DOCK4: variants seen among roughly 807,000 people sequenced by gnomAD.
DOCK4 encodes the protein dedicator of cytokinesis 4.
A neutral mutation model predicts 268.1 loss-of-function variants in DOCK4; 97 were observed. That is an observed-to-expected ratio of 0.36 (90% CI 0.31 to 0.43). The LOEUF (loss-of-function observed/expected upper bound fraction) is 0.43. Ranked by LOEUF, DOCK4 falls within the 20% of genes least tolerant of loss-of-function variation. The pLI is 1.00. For missense variants in DOCK4, 2,145 were observed against 2,455.7 expected, an observed-to-expected ratio of 0.87 and a Z score of 2.67; for synonymous variants, 954 against 887.2, an observed-to-expected ratio of 1.08 and a Z score of -1.34.
chr7:112,105,691 T>C (rs1452863189), intron 1 of DOCK4, among the ~76,000 whole-genome samples: 2 of 150,686 alleles, frequency 1.3e-5, no homozygotes, highest in Non-Finnish European at 3.0e-5. Flanking sequence ...CTTCCTTTTT[T>C]TTTTTTTTTT....
At chr7:111,851,445 A>C (rs1804544892) in intron 23 of DOCK4, among the ~76,000 whole-genome samples, 1 of 67,082 alleles carries the variant, frequency 1.5e-5, no homozygotes, top group African/African-American at 2.1e-4. Flanking sequence ...ACTCCATCTC[A>C]AAAAAAAAAA....
At chr7:112,064,368 A>G (rs1806728038) in intron 1 of DOCK4, among the ~76,000 whole-genome samples, 1 of 152,338 alleles carries the variant, frequency 6.6e-6, no homozygotes, top group South Asian at 2.1e-4. Flanking sequence ...GTCTGCATCA[A>G]AGGACCTTGG....
chr7:111,760,131 C>T (rs748929432), intron 40 of DOCK4, 50 bp downstream of exon 40: 1 of 1,598,434 alleles, frequency 6.3e-7, no homozygotes. Context: ...TGCTCTGCAG[C>T]TAAGAGCCAG....
At chr7:112,190,367 G>A (rs1299971916) in intron 1 of DOCK4, among the ~76,000 whole-genome samples, 1 of 152,132 alleles carries the variant, frequency 6.6e-6, no homozygotes, top group Non-Finnish European at 1.5e-5. Context: ...CAGGAACAGA[G>A]GTAGAGCAGT....
chr7:111,998,403 G>A (rs754242602), intron 4 of DOCK4, 45 bp downstream of exon 4: 43 of 1,430,250 alleles, frequency 3.0e-5, no homozygotes, highest in Non-Finnish European at 3.7e-5. Context: ...AAGAAGCAAA[G>A]GCTCTGTGAA....
At chr7:112,188,566 T>G (rs1474209667) in intron 1 of DOCK4, among the ~76,000 whole-genome samples, 1 of 152,226 alleles carries the variant, frequency 6.6e-6, no homozygotes, top group Non-Finnish European at 1.5e-5. Flanking sequence ...TGGTGCAAAC[T>G]GTGCTGCATG....
intron 8 of DOCK4, among the ~76,000 whole-genome samples, chr7:111,956,759 T>C (rs1436125027): frequency 1.3e-5 from 2 of 152,170 alleles, no homozygotes; most frequent in Non-Finnish European, 2.9e-5. Flanking sequence ...CCTTTAAATA[T>C]GAAGTCTCAA....
intron 1 of DOCK4, among the ~76,000 whole-genome samples, chr7:112,200,502 G>A (rs1587044309): frequency 6.6e-6 from 1 of 151,932 alleles, no homozygotes; most frequent in South Asian, 2.1e-4. Context: ...ACTGTGTTAC[G>A]GTTACAGCCT....
At chr7:111,756,994 G>A (rs1215039892) in intron 41 of DOCK4, among the ~76,000 whole-genome samples, 2 of 152,228 alleles carry the variant, frequency 1.3e-5, no homozygotes, top group African/African-American at 2.4e-5. Flanking sequence ...GGGGTGACGC[G>A]TGAGCTGCAT....
At chr7:111,836,954 G>GA (rs931331077) in intron 25 of DOCK4, among the ~76,000 whole-genome samples, 1 of 152,038 alleles carries the variant, frequency 6.6e-6, no homozygotes, top group Non-Finnish European at 1.5e-5. Context: ...GGAAGAGACA[G>GA]AAAAAATAAT....
intron 1 of DOCK4, among the ~76,000 whole-genome samples, chr7:112,148,284 G>A (rs891174760): frequency 2.0e-5 from 3 of 152,162 alleles, no homozygotes; most frequent in African/African-American, 7.2e-5. Context: ...TCTCCAGAGT[G>A]CTGGCAGAGG....
chr7:111,913,661 G>T (rs1022749042), intron 13 of DOCK4, among the ~76,000 whole-genome samples: 4 of 150,054 alleles, frequency 2.7e-5, no homozygotes, highest in African/African-American at 9.8e-5. Context: ...CGCCCACCTC[G>T]GCCTCCCAAA....
intron 1 of DOCK4, among the ~76,000 whole-genome samples, chr7:112,151,674 C>T (rs1295192235): frequency 2.0e-5 from 3 of 151,072 alleles, no homozygotes; most frequent in Non-Finnish European, 2.9e-5. Context: ...TCTCTGAATG[C>T]TTTTCTTTCA....
chr7:111,740,181 C>A, intron 47 of DOCK4: 1 of 390,800 alleles, frequency 2.6e-6, no homozygotes, highest in Non-Finnish European at 5.2e-6. Context: ...CTCACTGCAA[C>A]CTCCTCCTCC....
chr7:111,853,204 G>A (rs1804724089), intron 23 of DOCK4, among the ~76,000 whole-genome samples: 1 of 152,152 alleles, frequency 6.6e-6, no homozygotes. Context: ...CTATCAACAA[G>A]CTTTAGACAG....
chr7:112,017,636 C>T (rs1039011748), intron 1 of DOCK4, among the ~76,000 whole-genome samples: 1 of 152,192 alleles, frequency 6.6e-6, no homozygotes, highest in Non-Finnish European at 1.5e-5. Context: ...CTGTTCACAG[C>T]CCTCAGGAGA....
intron 22 of DOCK4, among the ~76,000 whole-genome samples, chr7:111,865,269 G>A (rs1322850548): frequency 6.6e-6 from 1 of 152,188 alleles, no homozygotes; most frequent in Non-Finnish European, 1.5e-5. Flanking sequence ...TTCCAGGACA[G>A]GGCTAACAAG....
chr7:112,087,698 G>A lies in DOCK4; in HGVS notation c.38-83567C>T, dbSNP rs184745139. Reference sequence around the variant, plus strand: ...AAACTGTCAGACAGCTTCATTTTGGGTTATCTCCTAAATAGAGTCTCACTT... The same window carrying A: ...AAACTGTCAGACAGCTTCATTTTGGATTATCTCCTAAATAGAGTCTCACTT... On this transcript the variant is annotated intron_variant, in intron 1 of 52. Transcript: ENST00000428084. Among the ~76,000 whole-genome samples, 109 of 152,154 alleles carry A rather than the reference G, an allele frequency of 7.2e-4. 1 individual carries two copies. The highest frequency in any genetic ancestry group is 2.4e-3 in the African/African-American group (100 of 41,538).
chr7:111,737,944 C>A (rs530457700), intron 49 of DOCK4, among the ~76,000 whole-genome samples: 1 of 152,258 alleles, frequency 6.6e-6, no homozygotes, highest in Non-Finnish European at 1.5e-5. Context: ...CTGGGACTTT[C>A]GGGAGGATCA....
Sources: gnomAD v4.1 joint callset for allele counts (sites outside exome capture counted in the v4.1 genomes callset) on GRCh38, gnomAD v4.1.1 for gene constraint, MANE v1.5 for transcripts, NCBI Gene and HGNC (gene_info 2026-07-23, HGNC 2026-07-21) for gene names.